USH2A: variants seen among roughly 807,000 people sequenced by gnomAD.
USH2A encodes the protein usherin.
USH2A carries 443 observed loss-of-function variants against 538.9 expected under a neutral mutation model. The observed-to-expected ratio is 0.82, with a 90% CI of 0.76 to 0.89. The LOEUF (loss-of-function observed/expected upper bound fraction) is 0.89. USH2A is among the 40% of genes least tolerant of loss of function. The probability of loss-of-function intolerance (pLI) is 0.00; values close to 1 mark genes in which losing one functional copy is unlikely to be tolerated. For missense variants in USH2A, 6,633 were observed against 6,324.8 expected, an observed-to-expected ratio of 1.05 and a Z score of -1.65; for synonymous variants, 2,413 against 2,273.5, an observed-to-expected ratio of 1.06 and a Z score of -1.75.
intron 49 of USH2A, among the ~76,000 whole-genome samples, chr1:215,805,209 T>A (rs1377685548): frequency 6.6e-6 from 1 of 151,846 alleles, no homozygotes; most frequent in Non-Finnish European, 1.5e-5. Context: ...GGGTGCAACA[T>A]ACCAACATGG....
At chr1:216,078,433 A>G in intron 26 of USH2A, 71 bp from the exon 27 acceptor site, 8 of 1,456,130 alleles carry the variant, frequency 5.5e-6, no homozygotes, top group Non-Finnish European at 7.6e-6. Context: ...GAGAGAGCAG[A>G]AAGTCAATTT....
At chr1:216,149,560 G>A (rs1383537799) in intron 21 of USH2A, among the ~76,000 whole-genome samples, 1 of 152,122 alleles carries the variant, frequency 6.6e-6, no homozygotes, top group Non-Finnish European at 1.5e-5. Flanking sequence ...GCCTGTCCCC[G>A]AGATGCTACA....
In USH2A at chr1:215,965,461, C is replaced by T. The variant is rs1449130784; in HGVS notation, c.6976G>A (p.Glu2326Lys). 1 of 1,613,660 alleles carries T rather than the reference C, an allele frequency of 6.2e-7. No homozygotes were observed. Among genetic ancestry groups the T allele is most frequent in the Non-Finnish European group, 8.5e-7 (1 of 1,179,732 alleles). ...LGPLVENRTLEAPPEGTVNVF... is the reference protein window; with the variant it reads ...LGPLVENRTLKAPPEGTVNVF... ...TTTACTGTTCCTTCAGGAGGAGCTT[C>T]TAGAGTTCGATTTTCCACCTGTGAG... Residue 2326 changes from glutamate (E) to lysine (K), a missense_variant, in exon 37 of 72, where the codon GAA (glutamate) becomes AAA (lysine). Coordinates refer to ENST00000307340, the MANE Select transcript of USH2A (RefSeq NM_206933.4).
At chr1:215,947,451 T>C (rs1203498855) in intron 37 of USH2A, among the ~76,000 whole-genome samples, 1 of 152,238 alleles carries the variant, frequency 6.6e-6, no homozygotes, top group African/African-American at 2.4e-5. Context: ...GGCAGTGCTG[T>C]TCTGATGTGC....
At chr1:215,734,945 C>T (rs1301184539) in intron 60 of USH2A, among the ~76,000 whole-genome samples, 1 of 152,204 alleles carries the variant, frequency 6.6e-6, no homozygotes, top group Non-Finnish European at 1.5e-5. Context: ...CCTCCCAACT[C>T]TTTCAACCTC....
At chr1:216,389,671 C>G (rs2039067174) in intron 3 of USH2A, among the ~76,000 whole-genome samples, 1 of 152,046 alleles carries the variant, frequency 6.6e-6, no homozygotes, top group African/African-American at 2.4e-5. Flanking sequence ...GCTAATGAAA[C>G]AGAAAGTAAA....
At chr1:216,175,556 T>C in intron 20 of USH2A, 74 bp from the exon 21 acceptor site, 1 of 1,319,420 alleles carries the variant, frequency 7.6e-7, no homozygotes, top group Non-Finnish European at 1.1e-6. Flanking sequence ...CACATATACG[T>C]ATATATGTAT....
intron 4 of USH2A, among the ~76,000 whole-genome samples, chr1:216,331,648 A>C (rs867864179): frequency 2.0e-5 from 3 of 152,176 alleles, no homozygotes; most frequent in Non-Finnish European, 4.4e-5. Context: ...CAAGTGAATT[A>C]GTTAATTTTG....
rs370949331 is a variant in USH2A, at chr1:216,329,553, T to G, written c.785-1899A>C. 6.3e-4 allele frequency among the ~76,000 whole-genome samples: 96 copies of G among 152,238 alleles called. 1 individual carries two copies. Among genetic ancestry groups the G allele is most frequent in the African/African-American group, 2.3e-3 (95 of 41,558 alleles). On this transcript the variant is annotated intron_variant, in intron 4 of 71. Coordinates refer to ENST00000307340, the MANE Select transcript of USH2A (RefSeq NM_206933.4). ...GCTGGGCCTGTGTCCCGTTTTTTCT[T>G]TACCTTCAACTATCCCTAACCATGC...
chr1:215,929,942 G>C (rs912554283), intron 38 of USH2A, among the ~76,000 whole-genome samples: 1 of 151,792 alleles, frequency 6.6e-6, no homozygotes, highest in African/African-American at 2.4e-5. Context: ...GGGGTTCAGG[G>C]GAAGGAGAGA....
intron 64 of USH2A, among the ~76,000 whole-genome samples, chr1:215,663,325 G>T (rs1304784347): frequency 6.6e-6 from 1 of 152,174 alleles, no homozygotes; most frequent in Non-Finnish European, 1.5e-5. Flanking sequence ...AGATTTCTTA[G>T]TTCTCATAAC....
intron 70 of USH2A, among the ~76,000 whole-genome samples, chr1:215,629,773 CTTTTT>C (rs34349385): frequency 6.4e-5 from 8 of 125,058 alleles, no homozygotes; most frequent in East Asian, 2.2e-4. Flanking sequence ...CTTTTCTTTT[CTTTTT>C]TTTTTTTTTT....
In USH2A at chr1:216,246,659, A is replaced by G. The variant is rs1458214935; in HGVS notation, c.2735T>C (p.Ile912Thr). The G allele has an allele frequency of 6.2e-7, 1 of 1,614,110 alleles. No individual in the cohort carries two copies. The highest frequency in any genetic ancestry group is 1.1e-5 in the South Asian group (1 of 91,080). The change falls in exon 13 of 72, where the codon ATT (isoleucine) becomes ACT (threonine). Residue 912 changes from isoleucine to threonine, a missense_variant. Transcript: ENST00000307340. ...GCACTGGCCACTGATTGGGTCACAA[A>G]TGGTCCCAGGTAATGTCCCCAAGGA... ...CDSLGTLPGT[I>T]CDPISGQCLC...
Position 216,048,643 on chromosome 1 carries a change from T to C in USH2A, c.6054A>G (p.Ile2018Met). Residue 2018 changes from isoleucine to methionine, a missense_variant, in exon 31 of 72, where the codon ATA (isoleucine) becomes ATG (methionine). By Grantham distance (10) the Ile-to-Met change is conservative. Transcript: ENST00000307340. ...EFVNTSNLTG[I>M]LTGLLPFKNY... is the part of the protein sequence containing the mutation. The stretch of plus-strand genomic sequence containing the variant: ...TTTTGAAGGGTAGCAAGCCTGTCAA[T>C]ATGCCTATAATAAAAAGGGACAAAA... 6.2e-7 allele frequency: 1 copy of C among 1,613,898 alleles called. No homozygotes were observed. The highest frequency in any genetic ancestry group is 1.1e-5 in the South Asian group (1 of 91,082).
rs111033532 is a variant in USH2A, at chr1:216,086,723, A to G, written c.4983T>C (p.Asp1661=). The change falls in exon 24 of 72, where the codon GAT becomes GAC. Residue 1661 remains aspartate, a synonymous_variant. Transcript: ENST00000307340. ...AATATACCTTACTAAACTCACCAGGATCCTTCCTGAGGATGGTATAACTTC... is the reference window on the plus strand; with the variant it reads ...AATATACCTTACTAAACTCACCAGGGTCCTTCCTGAGGATGGTATAACTTC... The part of the protein sequence containing the change: ...LPRSYTILRK[D]PEIIQKGFVG... 1.2e-5 allele frequency: 19 copies of G among 1,611,450 alleles called. No individual in the cohort carries two copies. The highest frequency in any genetic ancestry group is 1.5e-5 in the Non-Finnish European group (18 of 1,178,194).
intron 39 of USH2A, 72 bp downstream of exon 39, chr1:215,900,683 A>G: frequency 6.2e-7 from 1 of 1,601,786 alleles, no homozygotes; most frequent in Non-Finnish European, 8.5e-7. Flanking sequence ...ATGAGAACTG[A>G]CCTACTCTTC....
chr1:215,857,292 G>T (rs943125835), intron 44 of USH2A, among the ~76,000 whole-genome samples: 5 of 152,122 alleles, frequency 3.3e-5, no homozygotes, highest in Admixed American at 2.0e-4. Context: ...AGAAAACATG[G>T]AATTATGGGA....
At chr1:216,237,949 T>G (rs1291964387) in intron 13 of USH2A, among the ~76,000 whole-genome samples, 1 of 152,196 alleles carries the variant, frequency 6.6e-6, no homozygotes, top group Non-Finnish European at 1.5e-5. Context: ...CATGTTAACC[T>G]AGAAAGTTGT....
chr1:216,375,899 G>C lies in USH2A; in HGVS notation c.652-10814C>G, dbSNP rs1372476420. ...CAATATTGTTGTGTCTCAGGGAACA[G>C]GGAGGCCCAAGGAGAAGGAACAAGT... On this transcript the variant is annotated intron_variant, in intron 3 of 71. Transcript: ENST00000307340. 3.3e-5 allele frequency among the ~76,000 whole-genome samples: 5 copies of C among 152,078 alleles called. 1 individual carries two copies. The South Asian group carries it at 8.3e-4, about 25-fold the overall frequency.
Sources: gnomAD v4.1 joint callset for allele counts (sites outside exome capture counted in the v4.1 genomes callset) on GRCh38, gnomAD v4.1.1 for gene constraint, MANE v1.5 for transcripts, NCBI Gene and HGNC (gene_info 2026-07-23, HGNC 2026-07-21) for gene names.